Variants in NDUFA11 observed in about 807,000 individuals in gnomAD.
The protein encoded by NDUFA11 is NADH:ubiquinone oxidoreductase subunit A11.
Under a neutral mutation model 11.3 loss-of-function variants are expected in NDUFA11, and 14 were observed. The observed-to-expected ratio is 1.24, with a 90% CI of 0.82 to 1.94. NDUFA11 has a LOEUF of 1.94. NDUFA11 is among the 30% of genes most tolerant of loss of function. The pLI, the probability that NDUFA11 is intolerant of heterozygous loss-of-function variation, is 0.00. For missense variants in NDUFA11, 204 were observed against 200.3 expected (o/e 1.02, Z -0.11); for synonymous variants, 87 against 85.6 (o/e 1.02, Z -0.09).
intron 1 of NDUFA11, among the ~76,000 whole-genome samples, chr19:5,901,666 GT>G (rs71927291): frequency 3.9e-3 from 565 of 146,580 alleles, no homozygotes; most frequent in Non-Finnish European, 5.0e-3. Flanking sequence ...GTTTCTTTGG[GT>G]TTTTTTTTTT....
chr19:5,894,010 T>C (rs952625926), downstream of NDUFA11, among the ~76,000 whole-genome samples: 9 of 152,204 alleles, frequency 5.9e-5, no homozygotes, highest in Non-Finnish European at 1.0e-4. Flanking sequence ...CCAGGGAGCA[T>C]GAGCCAGTTC....
chr19:5,897,585 G>T (rs764025754), intron 1 of NDUFA11, among the ~76,000 whole-genome samples: 9 of 152,178 alleles, frequency 5.9e-5, no homozygotes, highest in Non-Finnish European at 1.0e-4. Context: ...GGCAGCTCGG[G>T]CCTGGGCTCG....
At chr19:5,892,727 C>A (rs899957726), downstream of NDUFA11, 3 of 758,498 alleles carry the variant, frequency 4.0e-6, no homozygotes, top group Non-Finnish European at 5.7e-6. Flanking sequence ...CTGCCCCCTG[C>A]CGGCCGCAGT....
chr19:5,893,136 G>A, downstream of NDUFA11: 1 of 1,536,056 alleles, frequency 6.5e-7, no homozygotes, highest in Non-Finnish European at 8.7e-7. This position sits in a 1 kb window ranked among gnomAD's most constrained non-coding sequence, Gnocchi z 4.1. Context: ...TCTCTCCAGA[G>A]AGGACTTCGA....
chr19:5,892,629 A>C, downstream of NDUFA11: 2 of 311,098 alleles, frequency 6.4e-6, no homozygotes, highest in African/African-American at 2.1e-5. Flanking sequence ...AAGGGATGGA[A>C]TCTGACGCCT....
chr19:5,892,933 G>C, downstream of NDUFA11: 1 of 1,446,232 alleles, frequency 6.9e-7, no homozygotes, highest in South Asian at 1.5e-5. Flanking sequence ...TCTGGGGTTC[G>C]AACCCAGAGT....
At chr19:5,893,216 G>C (rs987027860), downstream of NDUFA11, 9 of 1,535,380 alleles carry the variant, frequency 5.9e-6, no homozygotes, top group Non-Finnish European at 7.9e-6. This position sits in a 1 kb window ranked among gnomAD's most constrained non-coding sequence, Gnocchi z 4.1. Context: ...CCAGCACTCT[G>C]GGAGGCTGAG....
At chr19:5,897,020 T>C (rs1379881833) in intron 1 of NDUFA11, 23 bp from the exon 2 acceptor site, 2 of 1,596,018 alleles carry the variant, frequency 1.3e-6, no homozygotes, top group African/African-American at 1.3e-5. Context: ...GGAGGGAGGC[T>C]GTTCAGACCC....
At position 5,896,224 on chromosome 19, in the gene NDUFA11, G is replaced by A. The variant is rs2057607081; in HGVS notation, c.313+229C>T. 10 of 600,400 alleles carry A rather than the reference G, an allele frequency of 1.7e-5. No homozygotes were observed. In the Admixed American group the frequency reaches 2.7e-4, roughly 16 times the overall value. The allele number at this position is 600,400 out of a possible 1,614,324, so 37.2% of individuals were successfully genotyped here. A position where few individuals can be genotyped will look rare whatever the true frequency, so the allele number is the denominator to read the frequency against. On this transcript the variant is annotated intron_variant, in intron 3 of 3. Coordinates refer to ENST00000308961, the MANE Select transcript of NDUFA11 (RefSeq NM_175614.5). This position sits in a 1 kb window ranked among gnomAD's most constrained non-coding sequence, Gnocchi z 5.8. ...AGCAGTGAGGAGGCCCGTGTGGCTG[G>A]AGCAGAGTGAGGAGGGGAGGGTGGG... is the stretch of plus-strand genomic sequence containing the variant.
chr19:5,891,923 G>C (rs963568404), downstream of NDUFA11: 1 of 152,266 alleles, frequency 6.6e-6, no homozygotes, highest in Admixed American at 6.5e-5. Flanking sequence ...GTCCCCCACA[G>C]CCCCTCAGGG....
chr19:5,893,337 C>T (rs1399603636), downstream of NDUFA11: 4 of 773,410 alleles, frequency 5.2e-6, no homozygotes, highest in African/African-American at 3.5e-5. The surrounding 1 kb of genome is among the most constrained non-coding windows in gnomAD (Gnocchi z 4.1). Context: ...TAGTGGTGCA[C>T]ACCTGCAGTC....
intron 3 of NDUFA11, chr19:5,895,501 C>T (rs573403154): frequency 1.3e-5 from 2 of 152,994 alleles, no homozygotes; most frequent in African/African-American, 4.8e-5. Flanking sequence ...GACAAGGCCT[C>T]CCCAAGGTCT....
chr19:5,900,482 G>A (rs2057637910), intron 1 of NDUFA11, among the ~76,000 whole-genome samples: 1 of 152,156 alleles, frequency 6.6e-6, no homozygotes, highest in Non-Finnish European at 1.5e-5. Flanking sequence ...CCCAACTCAG[G>A]GAAGCCAGCC....
chr19:5,899,446 G>A (rs999978314), intron 1 of NDUFA11, among the ~76,000 whole-genome samples: 19 of 136,756 alleles, frequency 1.4e-4, no homozygotes, highest in Admixed American at 1.0e-3. Context: ...CACCGCGCCC[G>A]GACTCTTTTT....
rs1397857952 is a variant in NDUFA11, at chr19:5,894,763, C to T, written c.405G>A (p.Val135=). 1.2e-6 allele frequency: 2 copies of T among 1,613,388 alleles called. No individual in the cohort carries two copies. Among genetic ancestry groups the T allele is most frequent in the African/African-American group, 1.3e-5 (1 of 75,052 alleles). The part of the protein sequence containing the change: ...VKMGRLEGWE[V]FAKPKV ...GGGCTCACACCTTGGGTTTTGCAAACACCTCCCAGCCCTCCAGCCGGCCCA... is the reference window on the plus strand; with the variant it reads ...GGGCTCACACCTTGGGTTTTGCAAATACCTCCCAGCCCTCCAGCCGGCCCA... Residue 135 remains valine, a synonymous_variant, in exon 4 of 4, where the codon GTG becomes GTA. Coordinates refer to ENST00000308961, the MANE Select transcript of NDUFA11 (RefSeq NM_175614.5).
rs1342608427 is a variant in NDUFA11, at chr19:5,896,662, G to A, written c.191-87C>T. The A allele has an allele frequency of 1.3e-6, 2 of 1,537,260 alleles. No individual in the cohort carries two copies. The highest frequency in any genetic ancestry group is 8.8e-7 in the Non-Finnish European group (1 of 1,136,680). On this transcript the variant is annotated intron_variant, in intron 2 of 3. Transcript: ENST00000308961. This position sits in a 1 kb window ranked among gnomAD's most constrained non-coding sequence, Gnocchi z 5.8. ...CTCACTGCCAGTGTCTGGATGGAGA[G>A]AGATGCCACGAGTCGGCTGCTCGCT...
chr19:5,893,575 A>G (rs1316228969), downstream of NDUFA11, among the ~76,000 whole-genome samples: 1 of 152,116 alleles, frequency 6.6e-6, no homozygotes, highest in Non-Finnish European at 1.5e-5. This position sits in a 1 kb window ranked among gnomAD's most constrained non-coding sequence, Gnocchi z 4.1. Flanking sequence ...TGCTGAGATT[A>G]CAGGCTCAAA....
At chr19:5,894,212 A>G (rs1437535495), downstream of NDUFA11, among the ~76,000 whole-genome samples, 1 of 152,220 alleles carries the variant, frequency 6.6e-6, no homozygotes, top group African/African-American at 2.4e-5. Flanking sequence ...CTGCTGGACC[A>G]GCCTGTCCGG....
chr19:5,892,784 G>C (rs1212412699), downstream of NDUFA11: 1 of 1,203,472 alleles, frequency 8.3e-7, no homozygotes, highest in African/African-American at 1.5e-5. Flanking sequence ...CCCGTGAGTG[G>C]ATGGGATGCC....
Sources: allele counts gnomAD v4.1 joint callset (sites outside exome capture counted in the v4.1 genomes callset), GRCh38; gene constraint gnomAD v4.1.1; non-coding constraint Gnocchi (gnomAD v3.1); transcripts MANE v1.5; gene names NCBI Gene and HGNC (gene_info 2026-07-23, HGNC 2026-07-21).